The following ADAMTSL1 variants were observed in gnomAD, a reference collection of about 807,000 sequenced individuals.
The protein encoded by ADAMTSL1 is ADAMTS like 1.
ADAMTSL1 carries 126 observed loss-of-function variants against 201.8 expected under a neutral mutation model. That is an observed-to-expected ratio of 0.62 (90% confidence interval 0.54 to 0.72). ADAMTSL1 has a LOEUF of 0.72. Ranked by LOEUF, ADAMTSL1 falls within the 30% of genes least tolerant of loss-of-function variation. The probability of loss-of-function intolerance (pLI) is 0.00; values close to 1 mark genes in which losing one functional copy is unlikely to be tolerated. For missense variants in ADAMTSL1, 2,679 were observed against 2,277.8 expected, an observed-to-expected ratio of 1.18 and a Z score of -3.59; for synonymous variants, 1,121 against 903.4, an observed-to-expected ratio of 1.24 and a Z score of -4.32.
At chr9:18,774,063 AT>A (rs1274604003) in intron 17 of ADAMTSL1, among the ~76,000 whole-genome samples, 1 of 152,166 alleles carries the variant, frequency 6.6e-6, no homozygotes, top group East Asian at 1.9e-4. Context: ...ATATAAGATC[AT>A]TTTTTGTTTG....
At chr9:18,754,590 C>T (rs567929302) in intron 16 of ADAMTSL1, among the ~76,000 whole-genome samples, 4 of 152,294 alleles carry the variant, frequency 2.6e-5, no homozygotes, top group South Asian at 2.1e-4. Context: ...CATACCATTG[C>T]CTTGTGCAGA....
chr9:17,940,929 TA>T (rs1273127737), intron 1 of ADAMTSL1, among the ~76,000 whole-genome samples: 1 of 151,688 alleles, frequency 6.6e-6, no homozygotes, highest in African/African-American at 2.4e-5. Flanking sequence ...ATGCCTGCAT[TA>T]CTCTTATTTC....
intron 2 of ADAMTSL1, among the ~76,000 whole-genome samples, chr9:18,245,127 A>G (rs961648199): frequency 4.6e-5 from 7 of 152,170 alleles, no homozygotes; most frequent in Non-Finnish European, 7.4e-5. Context: ...TTCCTACCTC[A>G]TTATATCAGG....
chr9:18,775,200 G>A (rs1255642558), intron 17 of ADAMTSL1, among the ~76,000 whole-genome samples: 2 of 152,088 alleles, frequency 1.3e-5, no homozygotes, highest in African/African-American at 4.8e-5. Context: ...TTGAGATTAG[G>A]AACTATTCTT....
chr9:18,835,632 T>C (rs1372791424), intron 23 of ADAMTSL1, among the ~76,000 whole-genome samples: 3 of 152,250 alleles, frequency 2.0e-5, no homozygotes, highest in African/African-American at 7.2e-5. Flanking sequence ...TAGTACCCAA[T>C]AGTTTTTCAG....
chr9:18,103,822 C>T (rs1188687830), intron 1 of ADAMTSL1, among the ~76,000 whole-genome samples: 9 of 152,180 alleles, frequency 5.9e-5, no homozygotes, highest in East Asian at 1.9e-4. Flanking sequence ...TGTTTCTGGA[C>T]GTGTGCTCTG....
Position 18,829,903 on chromosome 9 carries a change from C to A in ADAMTSL1, c.4175C>A (p.Pro1392Gln). Residue 1392 changes from proline (P) to glutamine (Q), a missense_variant, in exon 23 of 29, where the codon CCG becomes CAG. Physicochemically the swap from Pro to Gln is moderately conservative, Grantham distance 76 (BLOSUM62 -1). Coordinates refer to ENST00000380548, the MANE Select transcript of ADAMTSL1 (RefSeq NM_001040272.6). ...DIRALLAATG[P>Q]NLPSVLTSPL... ...AGGGCCTTGCTCGCTGCCACTGGAC[C>A]GAACCTTCCTTCAGTGCTGACGTCT... 4 of 1,613,884 alleles carry A rather than the reference C, an allele frequency of 2.5e-6. No individual in the cohort carries two copies. Among genetic ancestry groups the A allele is most frequent in the Non-Finnish European group, 3.4e-6 (4 of 1,179,872 alleles).
At chr9:18,071,925 A>G (rs1000052595) in intron 1 of ADAMTSL1, among the ~76,000 whole-genome samples, 1 of 152,320 alleles carries the variant, frequency 6.6e-6, no homozygotes, top group Non-Finnish European at 1.5e-5. Context: ...CCTCAGTTTC[A>G]TCTCCATTAG....
chr9:18,680,654 G>T, intron 11 of ADAMTSL1, 138 bp downstream of exon 11: 1 of 872,886 alleles, frequency 1.1e-6, no homozygotes, highest in Non-Finnish European at 1.8e-6. Context: ...AGCTCCTGGA[G>T]TAGGAATGCC....
chr9:18,401,844 T>G (rs551404110), intron 2 of ADAMTSL1, among the ~76,000 whole-genome samples: 1 of 152,186 alleles, frequency 6.6e-6, no homozygotes, highest in Non-Finnish European at 1.5e-5. Context: ...TTCCCCTTAA[T>G]GGAAGCTGTG....
chr9:18,086,572 T>G (rs1823779856), intron 1 of ADAMTSL1, among the ~76,000 whole-genome samples: 1 of 152,142 alleles, frequency 6.6e-6, no homozygotes, highest in Non-Finnish European at 1.5e-5. Flanking sequence ...GCTGTAAAAA[T>G]AAAAGAGATA....
In ADAMTSL1 at chr9:18,777,032, C is replaced by T. The variant is rs1821063632; in HGVS notation, c.2803C>T (p.His935Tyr). 2.5e-6 allele frequency: 4 copies of T among 1,609,470 alleles called. No homozygotes were observed. Among genetic ancestry groups the T allele is most frequent in the East Asian group, 2.2e-5 (1 of 44,752 alleles). Reference protein sequence around the residue: ...TVAPFGYLKIHRLKPSDAGVY... With the variant: ...TVAPFGYLKIYRLKPSDAGVY... The stretch of plus-strand genomic sequence containing the variant: ...GGCCCCCTTCGGCTATCTCAAGATC[C>T]ACCGCCTCAAGCCCTCGGATGCAGG... The change falls in exon 19 of 29, where the codon CAC (histidine) becomes TAC (tyrosine). Residue 935 changes from histidine (H) to tyrosine (Y), a missense_variant. Transcript: ENST00000380548.
intron 19 of ADAMTSL1, among the ~76,000 whole-genome samples, chr9:18,791,164 G>T (rs538276136): frequency 6.6e-6 from 1 of 152,074 alleles, no homozygotes; most frequent in East Asian, 1.9e-4. Flanking sequence ...CTCTCTAGTC[G>T]CCAGGCTAGG....
intron 2 of ADAMTSL1, among the ~76,000 whole-genome samples, chr9:18,520,367 A>G (rs1818620301): frequency 6.6e-6 from 1 of 152,230 alleles, no homozygotes; most frequent in African/African-American, 2.4e-5. Flanking sequence ...GGATATACAT[A>G]AATCAGTGTT....
At chr9:17,932,085 C>A (rs934513378) in intron 1 of ADAMTSL1, among the ~76,000 whole-genome samples, 6 of 152,156 alleles carry the variant, frequency 3.9e-5, no homozygotes, top group Non-Finnish European at 7.4e-5. Context: ...CCATTTCCTG[C>A]CAGATTTTGT....
At chr9:18,817,385 G>C in intron 21 of ADAMTSL1, 148 bp downstream of exon 21, 1 of 738,016 alleles carries the variant, frequency 1.4e-6, no homozygotes, top group Non-Finnish European at 2.1e-6. Context: ...TCTGAAAGTA[G>C]AAAGTGCTAC....
intron 1 of ADAMTSL1, among the ~76,000 whole-genome samples, chr9:18,075,437 CT>C (rs1395766399): frequency 6.6e-6 from 1 of 152,098 alleles, no homozygotes; most frequent in Non-Finnish European, 1.5e-5. Context: ...TCACCCCACC[CT>C]ATCCCACCCT....
intron 1 of ADAMTSL1, among the ~76,000 whole-genome samples, chr9:18,024,915 C>T (rs1820629333): frequency 6.6e-6 from 1 of 152,124 alleles, no homozygotes; most frequent in South Asian, 2.1e-4. Flanking sequence ...TCTCCACAGC[C>T]TTGCCAGCCT....
At chr9:18,049,736 G>T (rs1025678544) in intron 1 of ADAMTSL1, among the ~76,000 whole-genome samples, 2 of 151,538 alleles carry the variant, frequency 1.3e-5, no homozygotes, top group African/African-American at 4.9e-5. Context: ...CCATTCTCCC[G>T]CCTCAGCCTC....
Sources: allele counts gnomAD v4.1 joint callset (sites outside exome capture counted in the v4.1 genomes callset), GRCh38; gene constraint gnomAD v4.1.1; transcripts MANE v1.5; gene names NCBI Gene and HGNC (gene_info 2026-07-23, HGNC 2026-07-21).